The following USP42 variants were observed in gnomAD, a reference collection of about 807,000 sequenced individuals.
The protein encoded by USP42 is ubiquitin specific peptidase 42.
A neutral mutation model predicts 113.0 loss-of-function variants in USP42; 23 were observed. The ratio of observed to expected loss-of-function variants is 0.20; its 90% CI spans 0.15 to 0.29. USP42 has a LOEUF of 0.29. Among genes scored for constraint, USP42 ranks in the 10% least tolerant of loss-of-function variants. USP42 has a pLI of 1.00. For synonymous variants in USP42, 933 were observed against 699.0 expected (o/e 1.33, Z -5.28); for missense variants, 2,174 against 1,779.8 (o/e 1.22, Z -3.99).
chr7:6,109,839 T>G lies in USP42; in HGVS notation c.-9-1286T>G, dbSNP rs1001427773. 2.6e-5 allele frequency among the ~76,000 whole-genome samples: 4 copies of G among 151,872 alleles called. No individual in the cohort carries two copies. The East Asian group carries it at 7.7e-4, about 29-fold the overall frequency. On this transcript the variant is annotated intron_variant, in intron 1 of 17. Transcript: ENST00000306177. ...ACTCAGCCTCCCAAGTAGTTGAGAT[T>G]ACAGGTACGTGCCACCACGCCCGGC...
In USP42 at chr7:6,111,330, C is replaced by T. The variant is rs753527593; in HGVS notation, c.197C>T (p.Ser66Leu). 2 of 1,610,580 alleles carry T rather than the reference C, an allele frequency of 1.2e-6. No homozygotes were observed. The highest frequency in any genetic ancestry group is 2.2e-5 in the East Asian group (1 of 44,838). Residue 66 changes from serine (S) to leucine (L), a missense_variant, in exon 2 of 18, where the codon TCA becomes TTA. Coordinates refer to ENST00000306177, the MANE Select transcript of USP42 (RefSeq NM_032172.3). The stretch of plus-strand genomic sequence containing the variant: ...CCTGGTGCTGTAGTTTATTCGAGTT[C>T]ATCTGTACCTGATAAATCAAAACCA... ...PVPGAVVYSS[S>L]SVPDKSKPSP... is the part of the protein sequence containing the mutation.
chr7:6,116,981 C>T, intron 3 of USP42: 1 of 422,672 alleles, frequency 2.4e-6, no homozygotes, highest in Non-Finnish European at 4.7e-6. Context: ...GTGCTTGCTT[C>T]CTCCCTCCCT....
the USP42 span, among the ~76,000 whole-genome samples, chr7:6,092,100 C>CTCT: frequency 9.3e-6 from 1 of 107,090 alleles, no homozygotes; most frequent in Non-Finnish European, 2.0e-5. Flanking sequence ...CTTCTTCCTC[C>CTCT]TCTTCTTCTT....
At chr7:6,150,943 G>T (rs2128517319) in intron 14 of USP42, among the ~76,000 whole-genome samples, 1 of 152,340 alleles carries the variant, frequency 6.6e-6, no homozygotes, top group Admixed American at 6.5e-5. Context: ...ATCGTTTGGG[G>T]ATGTGGTTGT....
intron 3 of USP42, among the ~76,000 whole-genome samples, chr7:6,125,124 T>C (rs920639941): frequency 6.9e-6 from 1 of 145,438 alleles, no homozygotes; most frequent in Non-Finnish European, 1.5e-5. Context: ...GAGGTTTCAG[T>C]GAGCCGAGAT....
At chr7:6,148,104 G>A (rs1000195226) in intron 12 of USP42, among the ~76,000 whole-genome samples, 3 of 152,160 alleles carry the variant, frequency 2.0e-5, no homozygotes, top group South Asian at 2.1e-4. Context: ...TTGGGAGGCC[G>A]AGACAGGTGG....
At chr7:6,106,966 T>C (rs192657842) in intron 1 of USP42, among the ~76,000 whole-genome samples, 281 of 152,380 alleles carry the variant, frequency 1.8e-3, no homozygotes, top group Non-Finnish European at 3.6e-3. Context: ...GAAGCTTTAC[T>C]GAAAGTGAGG....
At chr7:6,122,833 G>C (rs2128487830) in intron 3 of USP42, among the ~76,000 whole-genome samples, 1 of 151,166 alleles carries the variant, frequency 6.6e-6, no homozygotes, top group East Asian at 2.0e-4. Context: ...CAAACTCCTG[G>C]CTTCAAGACA....
At chr7:6,114,585 G>A (rs549735398) in intron 2 of USP42, among the ~76,000 whole-genome samples, 1 of 134,292 alleles carries the variant, frequency 7.4e-6, no homozygotes, top group South Asian at 2.4e-4. Context: ...TATTTCTCTG[G>A]TTGTTGTTTT....
Position 6,154,960 on chromosome 7 carries a change from A to C in USP42, c.3406A>C (p.Arg1136=). The C allele has an allele frequency of 6.4e-7, 1 of 1,558,788 alleles. No homozygotes were observed. Among genetic ancestry groups the C allele is most frequent in the Non-Finnish European group, 8.7e-7 (1 of 1,150,874 alleles). ...GCACCCCGACCGCTTCTCCCACGAC[A>C]GAACTGCACTTGTAGCCGGAGACAA... The part of the protein sequence containing the change: ...APHPDRFSHD[R]TALVAGDNCN... The change falls in exon 15 of 18, where the codon AGA becomes CGA. Residue 1136 remains arginine, a synonymous_variant. Transcript: ENST00000306177.
intron 3 of USP42, among the ~76,000 whole-genome samples, chr7:6,134,557 G>A (rs991505181): frequency 6.6e-6 from 1 of 152,192 alleles, no homozygotes; most frequent in Non-Finnish European, 1.5e-5. Context: ...CAGCCTCGGT[G>A]CTGCCAACAC....
the USP42 span, among the ~76,000 whole-genome samples, chr7:6,082,949 A>ATATT: frequency 6.9e-6 from 1 of 145,782 alleles, no homozygotes; most frequent in Non-Finnish European, 1.5e-5. Flanking sequence ...ATATATATAT[A>ATATT]TATTTATTTA....
intron 9 of USP42, 147 bp from the exon 10 acceptor site, chr7:6,145,369 T>A (rs1242038418): frequency 1.4e-5 from 13 of 901,898 alleles, no homozygotes; most frequent in African/African-American, 6.8e-5. Context: ...CTAGGTTTTT[T>A]AAATGCATTA....
chr7:6,128,705 G>GT (rs773871885), intron 3 of USP42, among the ~76,000 whole-genome samples: 4 of 150,554 alleles, frequency 2.7e-5, no homozygotes, highest in Non-Finnish European at 5.9e-5. Context: ...TTAATGTTTT[G>GT]TTTTTTGTTC....
chr7:6,156,043 T>A (rs1024301109), intron 15 of USP42, among the ~76,000 whole-genome samples: 1 of 152,152 alleles, frequency 6.6e-6, no homozygotes, highest in Non-Finnish European at 1.5e-5. Flanking sequence ...ACCTGGCCTG[T>A]TTTTGTATTT....
intron 2 of USP42, among the ~76,000 whole-genome samples, chr7:6,112,469 AAAAG>A (rs1261258178): frequency 2.6e-5 from 4 of 152,298 alleles, no homozygotes; most frequent in African/African-American, 7.2e-5. Flanking sequence ...AAAGAAAAAA[AAAAG>A]AGAGCATGTA....
In USP42 at chr7:6,116,724, A is replaced by G. The variant is rs1186124328; in HGVS notation, c.442+1201A>G. ...CCAAAGAAAAATCACCTAGAATCTCACCACCTACCTAGGGGTGTTTGTTAT... is the reference window on the plus strand; with the variant it reads ...CCAAAGAAAAATCACCTAGAATCTCGCCACCTACCTAGGGGTGTTTGTTAT... On this transcript the variant is annotated intron_variant, in intron 3 of 17. Transcript: ENST00000306177. 3 of 509,212 alleles carry G rather than the reference A, an allele frequency of 5.9e-6. No homozygotes were observed. The African/African-American group carries it at 6.0e-5, about 10-fold the overall frequency. 31.5% of individuals were successfully genotyped at this position (509,212 alleles called of 1,614,324 possible). A position where few individuals can be genotyped will look rare whatever the true frequency, so the allele number is the denominator to read the frequency against.
At chr7:6,128,256 CTTTT>C (rs376183536) in intron 3 of USP42, 6 of 134,842 alleles carry the variant, frequency 4.4e-5, no homozygotes, top group Non-Finnish European at 9.6e-5. Context: ...CCTGGCCCTG[CTTTT>C]TTTTTTTTTT....
chr7:6,154,745 A>G lies in USP42; in HGVS notation c.3191A>G (p.Asp1064Gly), dbSNP rs1035961563. The G allele has an allele frequency of 2.5e-6, 4 of 1,572,974 alleles. No homozygotes were observed. The highest frequency in any genetic ancestry group is 3.4e-6 in the Non-Finnish European group (4 of 1,161,156). The change falls in exon 15 of 18, where the codon GAC becomes GGC. Residue 1064 changes from aspartate (D) to glycine (G), a missense_variant. Asp to Gly is a moderately conservative substitution (Grantham distance 94). Transcript: ENST00000306177. Reference protein sequence around the residue: ...PRWDRCRYYHDRYALYAARDW... With the variant: ...PRWDRCRYYHGRYALYAARDW... ...TGGGACAGGTGCCGGTACTACCATG[A>G]CAGGTACGCCCTGTACGCTGCCCGG...
Sources: gnomAD v4.1 joint callset for allele counts (sites outside exome capture counted in the v4.1 genomes callset) on GRCh38, gnomAD v4.1.1 for gene constraint, MANE v1.5 for transcripts, NCBI Gene and HGNC (gene_info 2026-07-23, HGNC 2026-07-21) for gene names.